RBFOX1: variants seen among roughly 807,000 people sequenced by gnomAD.
RBFOX1 encodes the protein RNA binding protein fox-1 homolog 1.
A neutral mutation model predicts 57.7 loss-of-function variants in RBFOX1; 8 were observed. The ratio of observed to expected loss-of-function variants is 0.14; its 90% CI spans 0.08 to 0.25. The LOEUF (loss-of-function observed/expected upper bound fraction) is 0.25, where lower values mean the gene tolerates loss of function less well. Among genes scored for constraint, RBFOX1 ranks in the 10% least tolerant of loss-of-function variants. RBFOX1 has a pLI of 1.00. For synonymous variants in RBFOX1, 326 were observed against 222.4 expected, an observed-to-expected ratio of 1.47 and a Z score of -4.15; for missense variants, 611 against 548.5, an observed-to-expected ratio of 1.11 and a Z score of -1.14.
At chr16:7,645,964 T>C (rs2063661504) in intron 11 of RBFOX1, among the ~76,000 whole-genome samples, 2 of 151,428 alleles carry the variant, frequency 1.3e-5, no homozygotes, top group East Asian at 1.9e-4. Context: ...TTTTTTTTTT[T>C]TCTGCGAAAC....
At chr16:7,001,398 T>TGTATTTGTATATGTATATGTATA (rs2092782327) in intron 3 of RBFOX1, among the ~76,000 whole-genome samples, 15 of 100,928 alleles carry the variant, frequency 1.5e-4, no homozygotes, top group African/African-American at 5.2e-4. Flanking sequence ...GTATGTGTAT[T>TGTATTTGTATATGTATATGTATA]TGTATATGTA....
At chr16:7,514,444 G>T (rs1426397312) in intron 4 of RBFOX1, among the ~76,000 whole-genome samples, 1 of 152,108 alleles carries the variant, frequency 6.6e-6, no homozygotes, top group East Asian at 1.9e-4. Context: ...CATGGAGATG[G>T]GACAGGGAAT....
intron 4 of RBFOX1, among the ~76,000 whole-genome samples, chr16:7,433,791 C>T (rs565244027): frequency 6.6e-6 from 1 of 152,210 alleles, no homozygotes; most frequent in South Asian, 2.1e-4. Flanking sequence ...GCCAGCCAGC[C>T]AGACAGCTAG....
chr16:5,265,246 C>T (rs1271750019), intron 1 of RBFOX1, among the ~76,000 whole-genome samples: 1 of 152,188 alleles, frequency 6.6e-6, no homozygotes, highest in Non-Finnish European at 1.5e-5. Flanking sequence ...TGGACTATTT[C>T]AGTCTTTCCC....
At chr16:7,014,189 G>A (rs1013948756) in intron 3 of RBFOX1, among the ~76,000 whole-genome samples, 3 of 151,846 alleles carry the variant, frequency 2.0e-5, no homozygotes, top group Non-Finnish European at 4.4e-5. Flanking sequence ...AAAATAACCT[G>A]TTCAAAATGA....
intron 4 of RBFOX1, among the ~76,000 whole-genome samples, chr16:7,169,497 G>A (rs1567550554): frequency 6.6e-6 from 1 of 152,192 alleles, no homozygotes; most frequent in East Asian, 1.9e-4. Context: ...ACTGAGAAAT[G>A]TCTATAGACA....
At chr16:6,646,097 C>G (rs950957075) in intron 2 of RBFOX1, among the ~76,000 whole-genome samples, 5 of 83,678 alleles carry the variant, frequency 6.0e-5, no homozygotes, top group Non-Finnish European at 9.1e-5. Context: ...TCATACTTAA[C>G]ACTTTTAAGT....
intron 1 of RBFOX1, among the ~76,000 whole-genome samples, chr16:5,373,796 G>T (rs1008487880): frequency 6.6e-6 from 1 of 152,140 alleles, no homozygotes; most frequent in East Asian, 1.9e-4. Context: ...TAGAGATGGG[G>T]TTTCACCATA....
chr16:5,711,046 G>A (rs548732977), intron 3 of RBFOX1, among the ~76,000 whole-genome samples: 3 of 152,306 alleles, frequency 2.0e-5, no homozygotes, highest in Admixed American at 2.0e-4. Context: ...TGGACTCCCA[G>A]GGTGTTTGAT....
In RBFOX1 at chr16:6,397,850, C is replaced by G. The variant is rs979889298; in HGVS notation, c.-64+80793C>G. Reference sequence around the variant, plus strand: ...AAGATTACATAGTTAATTCTGAGAGCAACTACTAAAAATATTACAAAAGTG... The same window carrying G: ...AAGATTACATAGTTAATTCTGAGAGGAACTACTAAAAATATTACAAAAGTG... On this transcript the variant is annotated intron_variant, in intron 2 of 15. Transcript: ENST00000550418. Among the ~76,000 whole-genome samples, 3 of 151,852 alleles carry G rather than the reference C, an allele frequency of 2.0e-5. No individual in the cohort carries two copies. The East Asian group carries it at 5.8e-4, about 29-fold the overall frequency.
rs372544753 is a variant in RBFOX1, at chr16:7,164,359, C to T, written c.27+112261C>T. On this transcript the variant is annotated intron_variant, in intron 4 of 15. Transcript: ENST00000550418. ...ATATACCACATTTTCTTGATCCACT[C>T]ATTGGCTAATGGGCATTTGGGCTGG... Among the ~76,000 whole-genome samples, 4 of 152,142 alleles carry T rather than the reference C, an allele frequency of 2.6e-5. No individual in the cohort carries two copies. In the South Asian group the frequency reaches 8.3e-4, roughly 32 times the overall value.
intron 1 of RBFOX1, among the ~76,000 whole-genome samples, chr16:5,276,482 G>C (rs1442905261): frequency 2.0e-5 from 3 of 152,110 alleles, no homozygotes; most frequent in Non-Finnish European, 2.9e-5. Context: ...GCAATACCAT[G>C]TGTAAAATAA....
chr16:5,705,715 G>A (rs12922266), intron 3 of RBFOX1, among the ~76,000 whole-genome samples: 83,915 of 151,876 alleles, frequency 0.55, 26,345 homozygotes, highest in Non-Finnish European at 0.72. Flanking sequence ...CCTAACAAGG[G>A]GATTATGGAA....
chr16:6,869,544 C>A (rs145737976), intron 3 of RBFOX1, among the ~76,000 whole-genome samples: 228 of 151,196 alleles, frequency 1.5e-3, no homozygotes, highest in African/African-American at 5.3e-3. Context: ...CCTTTTTGTT[C>A]ATAAAAGGAG....
intron 2 of RBFOX1, among the ~76,000 whole-genome samples, chr16:6,579,283 A>G (rs1262044197): frequency 1.3e-5 from 2 of 152,036 alleles, no homozygotes; most frequent in African/African-American, 2.4e-5. Flanking sequence ...CGCTCTCTGT[A>G]GGCTTGATCT....
intron 1 of RBFOX1, among the ~76,000 whole-genome samples, chr16:6,181,498 C>A (rs917210344): frequency 2.0e-5 from 3 of 152,204 alleles, no homozygotes; most frequent in Non-Finnish European, 2.9e-5. Flanking sequence ...GAATGTCTGA[C>A]TTCCTCACTC....
intron 4 of RBFOX1, among the ~76,000 whole-genome samples, chr16:5,878,270 C>G (rs531048621): frequency 7.1e-4 from 108 of 152,266 alleles, no homozygotes; most frequent in African/African-American, 2.3e-3. Context: ...GCAGTGAGAA[C>G]AGCCAGCAGT....
chr16:7,631,817 C>A (rs2061010251), intron 11 of RBFOX1, among the ~76,000 whole-genome samples: 1 of 152,182 alleles, frequency 6.6e-6, no homozygotes, highest in Non-Finnish European at 1.5e-5. Context: ...TGGGGCAGCA[C>A]CTCCCTGTTA....
intron 14 of RBFOX1, among the ~76,000 whole-genome samples, chr16:7,696,317 A>G (rs966707206): frequency 3.3e-5 from 5 of 152,172 alleles, no homozygotes; most frequent in Non-Finnish European, 5.9e-5. Context: ...CAGCTTGGAC[A>G]ACTGAGTAGG....
Sources: gnomAD v4.1 joint callset for allele counts (sites outside exome capture counted in the v4.1 genomes callset) on GRCh38, gnomAD v4.1.1 for gene constraint, MANE v1.5 for transcripts, NCBI Gene and HGNC (gene_info 2026-07-23, HGNC 2026-07-21) for gene names.